DAB1: variants seen among roughly 807,000 people sequenced by gnomAD.
DAB1 encodes the protein DAB adaptor protein 1, also known as disabled homolog 1.
A neutral mutation model predicts 64.6 loss-of-function variants in DAB1; 15 were observed. The ratio of observed to expected loss-of-function variants is 0.23; its 90% CI spans 0.16 to 0.36. The LOEUF is 0.36. Among genes scored for constraint, DAB1 ranks in the 10% least tolerant of loss-of-function variants. DAB1 has a pLI of 1.00. For synonymous variants in DAB1, 235 were observed against 251.9 expected (o/e 0.93, Z 0.64); for missense variants, 596 against 706.7 (o/e 0.84, Z 1.78).
chr1:57,003,516 G>T (rs1371269451), intron 14 of DAB1, among the ~76,000 whole-genome samples: 1 of 151,720 alleles, frequency 6.6e-6, no homozygotes, highest in Non-Finnish European at 1.5e-5. Context: ...ATCTTTTTTA[G>T]ATTTTTATTT....
At chr1:57,348,574 G>A (rs924102296) in intron 1 of DAB1, among the ~76,000 whole-genome samples, 3 of 152,132 alleles carry the variant, frequency 2.0e-5, no homozygotes, top group Non-Finnish European at 4.4e-5. Context: ...GCACAGTTAT[G>A]TATACATCAT....
intron 5 of DAB1, among the ~76,000 whole-genome samples, chr1:58,028,498 C>T (rs1011385815): frequency 2.0e-5 from 3 of 152,044 alleles, no homozygotes; most frequent in African/African-American, 7.2e-5. Context: ...CTATGTCTAG[C>T]GGCCATGTTA....
chr1:57,752,294 T>C (rs1289014552), intron 6 of DAB1, among the ~76,000 whole-genome samples: 1 of 152,222 alleles, frequency 6.6e-6, no homozygotes, highest in Admixed American at 6.5e-5. Flanking sequence ...TTTCTCTATT[T>C]ATTTACATTT....
intron 5 of DAB1, among the ~76,000 whole-genome samples, chr1:57,897,390 G>A (rs1176431560): frequency 6.6e-6 from 1 of 152,054 alleles, no homozygotes; most frequent in Admixed American, 6.6e-5. Context: ...AATTGTGTGG[G>A]AATCTTGTCT....
chr1:57,694,545 A>T (rs575010407), intron 6 of DAB1, among the ~76,000 whole-genome samples: 2 of 152,178 alleles, frequency 1.3e-5, no homozygotes, highest in Non-Finnish European at 2.9e-5. Flanking sequence ...TCCCCTAAAA[A>T]AGAGGTTAAA....
chr1:57,055,457 G>T (rs181693923), intron 9 of DAB1, among the ~76,000 whole-genome samples: 5 of 152,288 alleles, frequency 3.3e-5, no homozygotes, highest in Admixed American at 1.3e-4. Context: ...GTCAAGAAGG[G>T]TTAAAACTAG....
chr1:57,227,519 TTGTGTGTGTGTGTGTGTG>T (rs57671970), intron 2 of DAB1, among the ~76,000 whole-genome samples: 24 of 135,810 alleles, frequency 1.8e-4, no homozygotes, highest in Non-Finnish European at 9.5e-5. Context: ...TTTTTTTCTT[TTGTGTGTGTGTGTGTGTG>T]TGTGTGTGTG....
intron 1 of DAB1, among the ~76,000 whole-genome samples, chr1:58,540,810 A>G (rs1569983083): frequency 6.9e-6 from 1 of 145,540 alleles, no homozygotes; most frequent in Middle Eastern, 3.6e-3. Context: ...GAGGAGGTGT[A>G]GACAGAAAAA....
At chr1:57,752,444 A>T (rs1648601489) in intron 6 of DAB1, among the ~76,000 whole-genome samples, 1 of 152,194 alleles carries the variant, frequency 6.6e-6, no homozygotes, top group South Asian at 2.1e-4. Context: ...GCTTTATAAC[A>T]GATTAAAGGC....
intron 5 of DAB1, among the ~76,000 whole-genome samples, chr1:57,923,946 A>C (rs1165951873): frequency 6.6e-6 from 1 of 152,230 alleles, no homozygotes; most frequent in Non-Finnish European, 1.5e-5. Context: ...AGAAAGAAAC[A>C]CTTATAACAG....
intron 1 of DAB1, among the ~76,000 whole-genome samples, chr1:58,542,166 C>A (rs1646633070): frequency 6.6e-6 from 1 of 152,102 alleles, no homozygotes; most frequent in African/African-American, 2.4e-5. Context: ...TTGAGTTAAC[C>A]CTTTTTGAAA....
intron 1 of DAB1, among the ~76,000 whole-genome samples, chr1:57,363,079 G>T (rs186028353): frequency 6.6e-6 from 1 of 152,178 alleles, no homozygotes; most frequent in East Asian, 1.9e-4. Flanking sequence ...CAAAATATTT[G>T]GTCAGATCAC....
chr1:57,967,159 T>G (rs576316180), intron 5 of DAB1, among the ~76,000 whole-genome samples: 2 of 152,336 alleles, frequency 1.3e-5, no homozygotes, highest in East Asian at 3.9e-4. Flanking sequence ...CACCTTTCCA[T>G]GGGAGCCACA....
chr1:57,407,315 G>A (rs11585751), intron 1 of DAB1, among the ~76,000 whole-genome samples: 37,973 of 152,118 alleles, frequency 0.25, 5,178 homozygotes, highest in Non-Finnish European at 0.32. Flanking sequence ...AGTTAGCACA[G>A]GATGGCGTTA....
At chr1:57,975,719 T>C (rs1222872554) in intron 5 of DAB1, among the ~76,000 whole-genome samples, 1 of 152,186 alleles carries the variant, frequency 6.6e-6, no homozygotes, top group East Asian at 1.9e-4. Flanking sequence ...TGGGATCCGA[T>C]GAAATGTATT....
At chr1:57,768,175 T>TTA (rs1553127303) in intron 6 of DAB1, among the ~76,000 whole-genome samples, 2 of 96,796 alleles carry the variant, frequency 2.1e-5, no homozygotes, top group African/African-American at 8.2e-5. Flanking sequence ...AGAATCTGTC[T>TTA]AAAAAAAAAA....
chr1:57,571,396 A>G (rs11207067), intron 7 of DAB1, among the ~76,000 whole-genome samples: 18 of 152,236 alleles, frequency 1.2e-4, no homozygotes, highest in African/African-American at 4.3e-4. Context: ...TGGGAAAACC[A>G]AAGTCTGTGT....
intron 1 of DAB1, among the ~76,000 whole-genome samples, chr1:57,368,345 G>A (rs1680231161): frequency 6.6e-6 from 1 of 152,202 alleles, no homozygotes; most frequent in African/African-American, 2.4e-5. Flanking sequence ...AGGCCAGGGA[G>A]GGGCTGAAGG....
Position 57,280,627 on chromosome 1 carries a change from G to T in DAB1, c.67+10337C>A, listed in dbSNP as rs1357329870. Among the ~76,000 whole-genome samples, 3 of 152,338 alleles carry T rather than the reference G, an allele frequency of 2.0e-5. No individual in the cohort carries two copies. In the East Asian group the frequency reaches 5.8e-4, roughly 29 times the overall value. On this transcript the variant is annotated intron_variant, in intron 2 of 14. Transcript: ENST00000371236. ...CCAGAGGCAGCACACTGAGCTTAAT[G>T]AAGCAGTGGGATGAACTAATATGGC...
Sources: allele counts gnomAD v4.1 joint callset (sites outside exome capture counted in the v4.1 genomes callset), GRCh38; gene constraint gnomAD v4.1.1; transcripts MANE v1.5; gene names NCBI Gene and HGNC (gene_info 2026-07-23, HGNC 2026-07-21).